The following DACH1 variants were observed in gnomAD, a reference collection of about 807,000 sequenced individuals.
The protein encoded by DACH1 is dachshund family transcription factor 1.
Under a neutral mutation model 54.2 loss-of-function variants are expected in DACH1, and 12 were observed. The observed-to-expected ratio is 0.22, with a 90% CI of 0.14 to 0.36. The LOEUF is 0.36. Ranked by LOEUF, DACH1 falls within the 10% of genes least tolerant of loss-of-function variation. The probability of loss-of-function intolerance (pLI) is 1.00; values close to 1 mark genes in which losing one functional copy is unlikely to be tolerated. For synonymous variants in DACH1, 386 were observed against 366.2 expected (o/e 1.05, Z -0.62); for missense variants, 805 against 929.8 (o/e 0.87, Z 1.75).
At chr13:71,529,257 G>A (rs1384808868) in intron 6 of DACH1, among the ~76,000 whole-genome samples, 1 of 148,620 alleles carries the variant, frequency 6.7e-6, no homozygotes, top group Non-Finnish European at 1.5e-5. Context: ...TGCGATCTCG[G>A]CTCACTGCAA....
At position 71,775,025 on chromosome 13, in the gene DACH1, C is replaced by T. The variant is rs191606734; in HGVS notation, c.848+90897G>A. On this transcript the variant is annotated intron_variant, in intron 1 of 10. Transcript: ENST00000613252. The stretch of plus-strand genomic sequence containing the variant: ...CCTAGCAGGGCATAGTGGTTCATGC[C>T]TATAATCCCAGCACTTTGAGAGATG... 2.2e-3 allele frequency among the ~76,000 whole-genome samples: 335 copies of T among 151,086 alleles called. 3 individuals are homozygous for T. The highest frequency in any genetic ancestry group is 7.9e-3 in the African/African-American group (324 of 41,250).
In DACH1 at chr13:71,817,805, T is replaced by C. The variant is rs765970774; in HGVS notation, c.848+48117A>G. Among the ~76,000 whole-genome samples, 12 of 142,654 alleles carry C rather than the reference T, an allele frequency of 8.4e-5. No individual in the cohort carries two copies. The South Asian group carries it at 1.3e-3, about 16-fold the overall frequency. 93.6% of individuals were successfully genotyped at this position (142,654 alleles called of 152,430 possible). A position where few individuals can be genotyped will look rare whatever the true frequency, so the allele number is the denominator to read the frequency against. On this transcript the variant is annotated intron_variant, in intron 1 of 10. Transcript: ENST00000613252. Reference sequence around the variant, plus strand: ...CTACTAAATATTTTCTTTCTTTCTTTCTTTCTTCCTTTTTTTTTTTTTTTT... The same window carrying C: ...CTACTAAATATTTTCTTTCTTTCTTCCTTTCTTCCTTTTTTTTTTTTTTTT...
rs1247876716 is a variant in DACH1, at chr13:71,574,993, TATG to T, written c.1127-1984_1127-1982del. On this transcript the variant is annotated intron_variant, in intron 3 of 10. Transcript: ENST00000613252. ...TATAAATAGATGAATTTTTCAAATG[TATG>T]ATATCAAGAGATTATGATTATAACA... Among the ~76,000 whole-genome samples the T allele has an allele frequency of 5.3e-5, 8 of 152,158 alleles. No individual in the cohort carries two copies. In the East Asian group the frequency reaches 1.5e-3, roughly 29 times the overall value.
chr13:71,496,281 A>G (rs1378333675), intron 6 of DACH1, among the ~76,000 whole-genome samples: 4 of 120,672 alleles, frequency 3.3e-5, no homozygotes, highest in East Asian at 2.7e-4. Flanking sequence ...ATATATATAT[A>G]TATATATATA....
intron 3 of DACH1, among the ~76,000 whole-genome samples, chr13:71,620,252 T>C (rs1291522712): frequency 6.6e-6 from 1 of 151,890 alleles, no homozygotes; most frequent in African/African-American, 2.4e-5. Flanking sequence ...CTAGAAGTCC[T>C]TGTGACACAA....
At chr13:71,672,671 A>G (rs1880274034) in intron 2 of DACH1, among the ~76,000 whole-genome samples, 2 of 152,168 alleles carry the variant, frequency 1.3e-5, no homozygotes, top group African/African-American at 4.8e-5. Flanking sequence ...AAAATAAACA[A>G]TATTTGTATT....
rs1880278945 is a variant in DACH1, at chr13:71,672,744, A to G, written c.964+9051T>C. On this transcript the variant is annotated intron_variant, in intron 2 of 10. Transcript: ENST00000613252. ...AGCTGCACCTCCTACTGGTTAAAAA[A>G]TTATAGCGAGCAATAAAAGACAACA... Among the ~76,000 whole-genome samples, 5 of 152,180 alleles carry G rather than the reference A, an allele frequency of 3.3e-5. No individual in the cohort carries two copies. In the South Asian group the frequency reaches 1.0e-3, roughly 31 times the overall value.
chr13:71,819,748 C>G (rs1044327871), intron 1 of DACH1, among the ~76,000 whole-genome samples: 5 of 152,068 alleles, frequency 3.3e-5, no homozygotes, highest in African/African-American at 1.2e-4. Flanking sequence ...TTATTCTTAG[C>G]ACTAAGTATC....
At position 71,490,025 on chromosome 13, in the gene DACH1, T is replaced by C. The variant is rs542550209; in HGVS notation, c.1571-877A>G. On this transcript the variant is annotated intron_variant, in intron 6 of 10. Coordinates refer to ENST00000613252, the MANE Select transcript of DACH1 (RefSeq NM_080759.6). ...ACCATTTTTACAGTTTCACATAAGA[T>C]AGATACAAGTTACGGCTTATTTTAG... Among the ~76,000 whole-genome samples, 20 of 152,258 alleles carry C rather than the reference T, an allele frequency of 1.3e-4. No individual in the cohort carries two copies. The South Asian group carries it at 1.7e-3, about 13-fold the overall frequency.
intron 1 of DACH1, among the ~76,000 whole-genome samples, chr13:71,791,065 G>T (rs1013229510): frequency 6.6e-6 from 1 of 152,126 alleles, no homozygotes; most frequent in Non-Finnish European, 1.5e-5. Context: ...ACATGACAAC[G>T]ATTTTTAGAT....
intron 3 of DACH1, among the ~76,000 whole-genome samples, chr13:71,577,874 G>T (rs770747649): frequency 6.6e-6 from 1 of 151,938 alleles, no homozygotes; most frequent in Non-Finnish European, 1.5e-5. Flanking sequence ...GTGTACGCAC[G>T]GCACCAATTA....
At chr13:71,846,648 TAGA>T (rs1281680454) in intron 1 of DACH1, among the ~76,000 whole-genome samples, 2 of 152,152 alleles carry the variant, frequency 1.3e-5, no homozygotes, top group Non-Finnish European at 2.9e-5. Context: ...GGTAGATAGA[TAGA>T]TAGTCTTTGG....
intron 10 of DACH1, among the ~76,000 whole-genome samples, chr13:71,462,568 C>T (rs1378782974): frequency 6.6e-6 from 1 of 151,468 alleles, no homozygotes; most frequent in Non-Finnish European, 1.5e-5. Flanking sequence ...TTAATTTTTA[C>T]CAAAAATAAA....
At chr13:71,485,510 A>G (rs1048879890) in intron 7 of DACH1, among the ~76,000 whole-genome samples, 1 of 147,300 alleles carries the variant, frequency 6.8e-6, no homozygotes, top group African/African-American at 2.5e-5. Flanking sequence ...ATATATCAAC[A>G]TAGGATTTTT....
chr13:71,599,280 A>T (rs962974250), intron 3 of DACH1, among the ~76,000 whole-genome samples: 8 of 152,182 alleles, frequency 5.3e-5, no homozygotes, highest in Admixed American at 1.3e-4. Context: ...ACCCAAAATT[A>T]AAGGCAAGTT....
chr13:71,825,081 T>C (rs1188581763), intron 1 of DACH1, among the ~76,000 whole-genome samples: 1 of 152,026 alleles, frequency 6.6e-6, no homozygotes, highest in Non-Finnish European at 1.5e-5. Context: ...TTTTCACACA[T>C]ACCAAAATTG....
At chr13:71,644,614 G>A (rs540682556) in intron 2 of DACH1, among the ~76,000 whole-genome samples, 20 of 152,254 alleles carry the variant, frequency 1.3e-4, no homozygotes, top group African/African-American at 4.6e-4. Context: ...CTGTACTAAC[G>A]GGGCCCTCTC....
intron 6 of DACH1, among the ~76,000 whole-genome samples, chr13:71,517,480 A>C (rs1265662954): frequency 2.6e-5 from 4 of 151,818 alleles, no homozygotes; most frequent in East Asian, 1.9e-4. Flanking sequence ...TGTGGACTTT[A>C]TTTCTTTATT....
chr13:71,737,557 G>A (rs1321801625), intron 1 of DACH1, among the ~76,000 whole-genome samples: 2 of 152,330 alleles, frequency 1.3e-5, no homozygotes, highest in Admixed American at 1.3e-4. Flanking sequence ...ACCATACTAA[G>A]CCTTAAATTT....
Sources: allele counts gnomAD v4.1 joint callset (sites outside exome capture counted in the v4.1 genomes callset), GRCh38; gene constraint gnomAD v4.1.1; transcripts MANE v1.5; gene names NCBI Gene and HGNC (gene_info 2026-07-23, HGNC 2026-07-21).